MYH6: variants seen among roughly 807,000 people sequenced by gnomAD.
MYH6 encodes the protein myosin-6.
Under a neutral mutation model 223.2 loss-of-function variants are expected in MYH6, and 126 were observed. That is an observed-to-expected ratio of 0.56 (90% CI 0.49 to 0.65). MYH6 has a LOEUF of 0.65. Among genes scored for constraint, MYH6 ranks in the 30% least tolerant of loss-of-function variants. MYH6 has a pLI of 0.00. For missense variants in MYH6, 2,040 were observed against 2,536.4 expected (o/e 0.80, Z 4.20); for synonymous variants, 978 against 1,010.2 (o/e 0.97, Z 0.61).
At chr14:23,392,744 C>T in intron 24 of MYH6, 92 bp from the exon 25 acceptor site, 1 of 1,443,956 alleles carries the variant, frequency 6.9e-7, no homozygotes, top group Non-Finnish European at 9.7e-7. Flanking sequence ...CCAGAATCGG[C>T]ACCTCCCCCT....
chr14:23,384,522 C>G lies in MYH6; in HGVS notation c.5485G>C (p.Glu1829Gln), dbSNP rs727504626. The change falls in exon 36 of 39, where the codon GAG (glutamate) becomes CAG (glutamine). Residue 1829 changes from glutamate to glutamine, a missense_variant. By Grantham distance (29) the Glu-to-Gln change is conservative. Around this residue, in one of 4 missense-constraint regions of MYH6, gnomAD observed 1,203 missense variants for 1,400.2 expected, o/e 0.86. Transcript: ENST00000405093. ...ARVRELEGEL[E>Q]AEQKRNAESV... ...TCTGCGTTGCGCTTCTGCTCGGCCT[C>G]CAGCTCACCCTCCAGCTCCCGCACC... The G allele has an allele frequency of 1.1e-5, 17 of 1,613,394 alleles. No individual in the cohort carries two copies. Among genetic ancestry groups the G allele is most frequent in the South Asian group, 4.4e-5 (4 of 91,056 alleles).
At chr14:23,392,410 A>G in intron 25 of MYH6, 152 bp downstream of exon 25, 2 of 758,024 alleles carry the variant, frequency 2.6e-6, no homozygotes, top group Non-Finnish European at 4.9e-6. Flanking sequence ...GGGGAAGGCT[A>G]GTGTTCCTGA....
chr14:23,398,957 G>A lies in MYH6; in HGVS notation c.1662C>T (p.Tyr554=), dbSNP rs374114140. 151 of 1,614,062 alleles carry A rather than the reference G, an allele frequency of 9.4e-5. No individual in the cohort carries two copies. Among genetic ancestry groups the A allele is most frequent in the South Asian group, 6.5e-4 (59 of 91,080 alleles). ...TGTTGGACTTGCCCAGGTGGTTGTCGTACAGCTTGGCCTTGAAGGTCATGT... is the reference window on the plus strand; with the variant it reads ...TGTTGGACTTGCCCAGGTGGTTGTCATACAGCTTGGCCTTGAAGGTCATGT... ...ATDMTFKAKL[Y]DNHLGKSNNF... The change falls in exon 15 of 39, where the codon TAC becomes TAT. Residue 554 remains tyrosine (Y), a synonymous_variant. Transcript: ENST00000405093.
chr14:23,384,868 G>C, intron 35 of MYH6, 48 bp downstream of exon 35: 1 of 1,613,352 alleles, frequency 6.2e-7, no homozygotes, highest in Non-Finnish European at 8.5e-7. Context: ...CTGGACCCAA[G>C]GCCTTGTTTC....
At chr14:23,396,925 C>A in intron 18 of MYH6, 38 bp downstream of exon 18, 14 of 1,612,470 alleles carry the variant, frequency 8.7e-6, no homozygotes, top group Non-Finnish European at 1.2e-5. Context: ...AGCCTGGCTC[C>A]CCCTGTTCTA....
intron 34 of MYH6, among the ~76,000 whole-genome samples, chr14:23,385,255 A>G (rs146215978): frequency 2.2e-4 from 33 of 152,114 alleles, no homozygotes; most frequent in African/African-American, 7.7e-4. Context: ...CTCTGAAAAA[A>G]GACTTCAAAT....
Position 23,390,359 on chromosome 14 carries a change from C to T in MYH6, c.3430G>A (p.Glu1144Lys), listed in dbSNP as rs1158985058. 1 of 1,608,606 alleles carries T rather than the reference C, an allele frequency of 6.2e-7. No homozygotes were observed. The highest frequency in any genetic ancestry group is 8.5e-7 in the Non-Finnish European group (1 of 1,179,256). ...VEKLRSDLSR[E>K]LEEISERLEE... ...AGCCGCTCGCTGATCTCCTCCAGCT[C>T]CCGAGACAGGTCTGAGCGCAGCTTC... is the stretch of plus-strand genomic sequence containing the variant. Residue 1144 changes from glutamate to lysine, a missense_variant, in exon 26 of 39, where the codon GAG (glutamate) becomes AAG (lysine). By Grantham distance (56) the Glu-to-Lys change is moderately conservative. Around this residue, in one of 4 missense-constraint regions of MYH6, gnomAD observed 1,203 missense variants for 1,400.2 expected, o/e 0.86. Coordinates refer to ENST00000405093, the MANE Select transcript of MYH6 (RefSeq NM_002471.4).
chr14:23,399,123 T>G, intron 14 of MYH6, 86 bp from the exon 15 acceptor site: 2 of 1,543,208 alleles, frequency 1.3e-6, no homozygotes, highest in Non-Finnish European at 1.8e-6. Flanking sequence ...GGAAAAGGAA[T>G]CTGGAGCCAG....
At position 23,407,305 on chromosome 14, in the gene MYH6, C is replaced by A; in HGVS notation, c.-13-69G>T. On this transcript the variant is annotated intron_variant, in intron 2 of 38. Transcript: ENST00000405093. The surrounding 1 kb of genome is among the most constrained non-coding windows in gnomAD (Gnocchi z 5.6). ...AGGCTCCAGCGAGTGGCTTTGTCCT[C>A]TGCAGCCCCCCTCCCTACCCCCGCT... The A allele has an allele frequency of 6.4e-7, 1 of 1,560,156 alleles. No individual in the cohort carries two copies. Among genetic ancestry groups the A allele is most frequent in the Non-Finnish European group, 8.8e-7 (1 of 1,137,790 alleles).
intron 10 of MYH6, 42 bp downstream of exon 10, chr14:23,403,306 C>T (rs777680610): frequency 4.9e-5 from 75 of 1,522,888 alleles, no homozygotes; most frequent in Non-Finnish European, 5.7e-5. Context: ...TTGGGGTGTG[C>T]AGCAGGGACA....
rs775707796 is a variant in MYH6 at position 23,387,514 on chromosome 14, G to A, written c.4650+15C>T. 1 of 1,612,522 alleles carries A rather than the reference G, an allele frequency of 6.2e-7. No individual in the cohort carries two copies. Among genetic ancestry groups the A allele is most frequent in the Admixed American group, 1.7e-5 (1 of 60,026 alleles). On this transcript the variant is annotated intron_variant, in intron 32 of 38. Coordinates refer to ENST00000405093, the MANE Select transcript of MYH6 (RefSeq NM_002471.4). ...GCAGAACAGGGATGGGGTGCAGGGA[G>A]TTCTCGGCCCTCACCTCTGCCTCCT...
At chr14:23,388,442 G>GT in intron 29 of MYH6, 104 bp from the exon 30 acceptor site, 2 of 1,538,474 alleles carry the variant, frequency 1.3e-6, no homozygotes, top group Non-Finnish European at 1.8e-6. Context: ...TTGAGACACC[G>GT]TAAGTCCAGC....
At chr14:23,383,386 C>G in intron 36 of MYH6, 66 bp from the exon 37 acceptor site, 1 of 1,271,420 alleles carries the variant, frequency 7.9e-7, no homozygotes, top group Non-Finnish European at 1.1e-6. Flanking sequence ...TTTCCCTCCT[C>G]CATCATTTTA....
At position 23,403,328 on chromosome 14, in the gene MYH6, G is replaced by T; in HGVS notation, c.898+20C>A. On this transcript the variant is annotated intron_variant, in intron 10 of 38. Transcript: ENST00000405093. ...GTGCAGCAGGGACAGCAGTGGGTGGGGGGTGGCAGGCAGGTTCACCCAGCA... is the reference window on the plus strand; with the variant it reads ...GTGCAGCAGGGACAGCAGTGGGTGGTGGGTGGCAGGCAGGTTCACCCAGCA... The T allele has an allele frequency of 6.3e-7, 1 of 1,597,904 alleles. No individual in the cohort carries two copies. Among genetic ancestry groups the T allele is most frequent in the Non-Finnish European group, 8.6e-7 (1 of 1,165,402 alleles).
intron 34 of MYH6, 101 bp from the exon 35 acceptor site, chr14:23,385,142 T>G (rs981766231): frequency 7.1e-7 from 1 of 1,405,224 alleles, no homozygotes. Context: ...ATTTTTTTTT[T>G]AAAACAACAA....
chr14:23,402,927 G>A lies in MYH6; in HGVS notation c.899-127C>T, dbSNP rs1595063035. 1.5e-5 allele frequency: 11 copies of A among 743,044 alleles called. No homozygotes were observed. The East Asian group carries it at 2.9e-4, about 20-fold the overall frequency. 46.0% of individuals were successfully genotyped at this position (743,044 alleles called of 1,614,324 possible). ...GGACGGGGTGAATGGAGGAAGGGAG[G>A]ACAGGGAGCAGGGAGAGAAGAGAAG... On this transcript the variant is annotated intron_variant, in intron 10 of 38. Coordinates refer to ENST00000405093, the MANE Select transcript of MYH6 (RefSeq NM_002471.4).
chr14:23,398,448 C>T (rs1229244400), intron 15 of MYH6, among the ~76,000 whole-genome samples: 1 of 152,212 alleles, frequency 6.6e-6, no homozygotes, highest in Non-Finnish European at 1.5e-5. Flanking sequence ...TCGTTCCCTG[C>T]TGGGCATGGT....
chr14:23,406,900 C>A, intron 3 of MYH6, 123 bp downstream of exon 3: 1 of 1,090,548 alleles, frequency 9.2e-7, no homozygotes, highest in South Asian at 1.3e-5. Flanking sequence ...GGAGCATGTC[C>A]TGGCATCCCC....
Position 23,402,718 on chromosome 14 carries a change from G to A in MYH6, c.981C>T (p.Ser327=), listed in dbSNP as rs148407931. 84 of 1,613,564 alleles carry A rather than the reference G, an allele frequency of 5.2e-5. No individual in the cohort carries two copies. The African/African-American group carries it at 8.4e-4, about 16-fold the overall frequency. The change falls in exon 11 of 39, where the codon TCC becomes TCT. Residue 327 remains serine (S), a synonymous_variant. Coordinates refer to ENST00000405093, the MANE Select transcript of MYH6 (RefSeq NM_002471.4). ...GEVSVASIDD[S]EELMATDSAF... ...TCACATCGGTGGCCATGAGCTCCTC[G>A]GAGTCATCAATGGAGGCCACGGACA...
Sources: gnomAD v4.1 joint callset for allele counts (sites outside exome capture counted in the v4.1 genomes callset) on GRCh38, gnomAD v4.1.1 for gene constraint, gnomAD v4.1.1 regional missense constraint, Gnocchi (gnomAD v3.1) non-coding constraint, MANE v1.5 for transcripts, NCBI Gene and HGNC (gene_info 2026-07-23, HGNC 2026-07-21) for gene names.